DMD: variants seen among roughly 807,000 people sequenced by gnomAD.
DMD encodes mutant dystrophin.
A neutral mutation model predicts 330.1 loss-of-function variants in DMD; 63 were observed. The ratio of observed to expected loss-of-function variants is 0.19; its 90% CI spans 0.16 to 0.24. The LOEUF is 0.24. Among genes scored for constraint, DMD ranks in the 10% least tolerant of loss-of-function variants. DMD has a pLI of 1.00. For missense variants in DMD, 3,344 were observed against 2,684.1 expected (o/e 1.25, Z -5.43); for synonymous variants, 1,223 against 959.8 (o/e 1.27, Z -5.07).
chrX:32,689,762 G>T (rs2063137843), intron 9 of DMD, among the ~76,000 whole-genome samples: 2 of 110,818 alleles, frequency 1.8e-5, no homozygotes, highest in Admixed American at 9.7e-5. Context: ...CAATTAGTAT[G>T]ATACACCACG....
chrX:32,073,829 G>T (rs1220032729), intron 44 of DMD, among the ~76,000 whole-genome samples: 1 of 111,238 alleles, frequency 9.0e-6, no homozygotes, highest in East Asian at 2.8e-4. Context: ...AGAGCATAGC[G>T]TTAAGTATAA....
chrX:32,574,263 A>G lies in DMD; in HGVS notation c.1603-417T>C, dbSNP rs2052763096. Among the ~76,000 whole-genome samples the G allele has an allele frequency of 1.8e-5, 2 of 112,188 alleles. 1 individual carries two copies. Among genetic ancestry groups the G allele is most frequent in the South Asian group, 7.4e-4 (2 of 2,705 alleles). ...GCCTCAAAAGACTCTTAATTGAAAC[A>G]ATCTTGCATAATGAGAATTGCCTAC... On this transcript the variant is annotated intron_variant, in intron 13 of 78. Transcript: ENST00000357033.
At chrX:33,291,364 C>G (rs1189505039) in intron 1 of DMD, among the ~76,000 whole-genome samples, 1 of 110,933 alleles carries the variant, frequency 9.0e-6, no homozygotes, top group Non-Finnish European at 1.9e-5. Flanking sequence ...GATGCCCTCG[C>G]TCACCACTCC....
rs758920550 is a variant in DMD, at chrX:32,646,314, T to A, written c.961-1162A>T. ...GCAGGAGGTTTTGCTTTGGGAGGAG[T>A]GTACTCCTTGCAGGTCGCCGGGCTT... On this transcript the variant is annotated intron_variant, in intron 9 of 78. Transcript: ENST00000357033. 2.4e-3 allele frequency among the ~76,000 whole-genome samples: 262 copies of A among 110,337 alleles called. 2 individuals are homozygous for A. The highest frequency in any genetic ancestry group is 8.3e-3 in the African/African-American group (253 of 30,320).
At chrX:32,635,802 C>T (rs763994210) in intron 11 of DMD, among the ~76,000 whole-genome samples, 1 of 111,664 alleles carries the variant, frequency 9.0e-6, no homozygotes, top group Non-Finnish European at 1.9e-5. Context: ...AACCAATTAC[C>T]CCCTCAAATG....
chrX:33,225,987 G>T (rs1305906417), intron 1 of DMD, among the ~76,000 whole-genome samples: 1 of 111,361 alleles, frequency 9.0e-6, no homozygotes, highest in African/African-American at 3.3e-5. Flanking sequence ...AGCATCATTG[G>T]CTCTTAGGGA....
At chrX:32,838,849 T>C (rs752162459) in intron 4 of DMD, among the ~76,000 whole-genome samples, 6 of 111,882 alleles carry the variant, frequency 5.4e-5, no homozygotes, top group South Asian at 7.5e-4. Context: ...AGTTCAACCA[T>C]TGTGGAAGAC....
At chrX:32,297,259 ATTTAT>A (rs1230036621) in intron 42 of DMD, among the ~76,000 whole-genome samples, 2 of 90,744 alleles carry the variant, frequency 2.2e-5, no homozygotes, top group African/African-American at 7.7e-5. Flanking sequence ...TTATTTATTT[ATTTAT>A]TTATTTATTA....
chrX:32,721,684 T>C (rs1015392199), intron 7 of DMD, among the ~76,000 whole-genome samples: 2 of 111,237 alleles, frequency 1.8e-5, no homozygotes, highest in Non-Finnish European at 3.8e-5. Context: ...AGAAGCTTTT[T>C]AGATTAATGT....
At chrX:32,111,828 G>A (rs1157080576) in intron 44 of DMD, among the ~76,000 whole-genome samples, 1 of 111,515 alleles carries the variant, frequency 9.0e-6, no homozygotes, top group South Asian at 3.8e-4. Flanking sequence ...TGCTTCTCCA[G>A]GTGATTTAAT....
chrX:33,212,151 G>T (rs1228916171), upstream of DMD, among the ~76,000 whole-genome samples: 1 of 112,280 alleles, frequency 8.9e-6, no homozygotes, highest in Non-Finnish European at 1.9e-5. Context: ...CTAAAATAAA[G>T]AATACTCTTA....
At chrX:32,384,317 G>A (rs2097943993) in intron 33 of DMD, among the ~76,000 whole-genome samples, 1 of 110,334 alleles carries the variant, frequency 9.1e-6, no homozygotes, top group East Asian at 2.8e-4. Flanking sequence ...CAATTTTTCT[G>A]TCTGTGGTGA....
intron 64 of DMD, among the ~76,000 whole-genome samples, chrX:31,213,906 C>T (rs978767983): frequency 8.9e-6 from 1 of 112,322 alleles, no homozygotes; most frequent in Non-Finnish European, 1.9e-5. Flanking sequence ...CAACAAGCTA[C>T]GCTTGGTTGA....
At chrX:32,441,360 G>A in intron 27 of DMD, 46 bp from the exon 28 acceptor site, 1 of 1,158,680 alleles carries the variant, frequency 8.6e-7, no homozygotes, top group Non-Finnish European at 1.2e-6. Flanking sequence ...TGGTAGAAAA[G>A]TAAATGTGAA....
At chrX:31,718,664 T>A (rs1328251727) in intron 52 of DMD, among the ~76,000 whole-genome samples, 2 of 110,904 alleles carry the variant, frequency 1.8e-5, no homozygotes, top group Non-Finnish European at 3.8e-5. Flanking sequence ...AAGAAGAAGG[T>A]TCTCACCAGG....
At chrX:31,326,779 G>A (rs1268146299) in intron 61 of DMD, among the ~76,000 whole-genome samples, 1 of 111,155 alleles carries the variant, frequency 9.0e-6, no homozygotes, top group Non-Finnish European at 1.9e-5. Flanking sequence ...AATTTCATTT[G>A]GGGCTGCCAG....
intron 44 of DMD, among the ~76,000 whole-genome samples, chrX:31,986,997 T>C (rs1034176834): frequency 2.2e-4 from 25 of 111,970 alleles, no homozygotes; most frequent in African/African-American, 7.2e-4. Context: ...ATTATCTATA[T>C]TTATCTATTT....
At chrX:31,605,485 C>A (rs975902655) in intron 55 of DMD, among the ~76,000 whole-genome samples, 4 of 111,460 alleles carry the variant, frequency 3.6e-5, no homozygotes, top group South Asian at 3.7e-4. Context: ...TTAAAAAAAA[C>A]CTTTTTTTTG....
intron 63 of DMD, among the ~76,000 whole-genome samples, chrX:31,244,819 C>T (rs1397640204): frequency 1.8e-5 from 2 of 111,774 alleles, no homozygotes; most frequent in African/African-American, 6.5e-5. Flanking sequence ...TTGCACTTCA[C>T]CTTCTAAAAT....
Sources: gnomAD v4.1 joint callset for allele counts (sites outside exome capture counted in the v4.1 genomes callset) on GRCh38, gnomAD v4.1.1 for gene constraint, MANE v1.5 for transcripts, NCBI Gene and HGNC (gene_info 2026-07-23, HGNC 2026-07-21) for gene names.